METTL16: variants seen among roughly 807,000 people sequenced by gnomAD.
METTL16 encodes the protein methyltransferase 16, RNA N6-adenosine, also known as RNA N(6)-adenosine-methyltransferase METTL16.
METTL16 carries 19 observed loss-of-function variants against 57.9 expected under a neutral mutation model. That is an observed-to-expected ratio of 0.33 (90% CI 0.23 to 0.48). The LOEUF (loss-of-function observed/expected upper bound fraction) is 0.48. Among genes scored for constraint, METTL16 ranks in the 20% least tolerant of loss-of-function variants. The pLI, the probability that METTL16 is intolerant of heterozygous loss-of-function variation, is 0.99. For missense variants in METTL16, 434 were observed against 691.5 expected, an observed-to-expected ratio of 0.63 and a Z score of 4.18; for synonymous variants, 246 against 255.6, an observed-to-expected ratio of 0.96 and a Z score of 0.36.
At chr17:2,474,643 A>C (rs1451326034) in intron 3 of METTL16, among the ~76,000 whole-genome samples, 1 of 152,214 alleles carries the variant, frequency 6.6e-6, no homozygotes, top group Non-Finnish European at 1.5e-5. Flanking sequence ...TTGTTTTTAC[A>C]GGCCGGGCGT....
chr17:2,481,304 A>G (rs978685783), intron 2 of METTL16, among the ~76,000 whole-genome samples: 2 of 152,160 alleles, frequency 1.3e-5, no homozygotes, highest in Non-Finnish European at 2.9e-5. Context: ...CTTGATAATG[A>G]TATCAATTAT....
intron 1 of METTL16, among the ~76,000 whole-genome samples, chr17:2,506,139 C>T (rs548994403): frequency 6.6e-6 from 1 of 152,144 alleles, no homozygotes; most frequent in East Asian, 1.9e-4. Context: ...TCCCTCTCTT[C>T]AGTCGGCAAA....
rs1023727635 is a variant in METTL16 at position 2,417,579 on chromosome 17, G to A, written c.*2391C>T. The A allele has an allele frequency of 6.6e-5, 10 of 152,170 alleles. No homozygotes were observed. The highest frequency in any genetic ancestry group is 2.4e-4 in the African/African-American group (10 of 41,428). The allele number at this position is 152,170 out of a possible 1,614,324, so 9.4% of individuals were successfully genotyped here. A position where few individuals can be genotyped will look rare whatever the true frequency, so the allele number is the denominator to read the frequency against. ...CATTTTGAACAGGCAAGGAGTGTAA[G>A]CTAATACACTACTGTTACAACATGG... is the stretch of plus-strand genomic sequence containing the variant. On this transcript the variant is annotated 3_prime_UTR_variant, in exon 10 of 10. Coordinates refer to ENST00000263092, the MANE Select transcript of METTL16 (RefSeq NM_024086.4).
chr17:2,427,689 C>T (rs1046645064), intron 8 of METTL16, among the ~76,000 whole-genome samples: 2 of 152,006 alleles, frequency 1.3e-5, no homozygotes, highest in African/African-American at 2.4e-5. Context: ...GTGATCCCCC[C>T]GCCTCAGCCT....
intron 6 of METTL16, among the ~76,000 whole-genome samples, chr17:2,458,264 G>T (rs969689328): frequency 1.3e-5 from 2 of 152,178 alleles, no homozygotes; most frequent in Non-Finnish European, 2.9e-5. Flanking sequence ...TCTGGCAGGG[G>T]ACACGCTGGT....
At chr17:2,433,014 C>T (rs2066884797) in intron 8 of METTL16, among the ~76,000 whole-genome samples, 1 of 152,160 alleles carries the variant, frequency 6.6e-6, no homozygotes, top group Admixed American at 6.5e-5. Context: ...GTGTTATCCA[C>T]AGTACCTCAG....
chr17:2,428,936 G>A (rs528318971), intron 8 of METTL16, among the ~76,000 whole-genome samples: 2 of 152,066 alleles, frequency 1.3e-5, no homozygotes, highest in African/African-American at 4.8e-5. Context: ...TCGGCTCACC[G>A]CAACCTCTGC....
In METTL16 at chr17:2,485,429, C is replaced by A. The variant is rs1338725242; in HGVS notation, c.129-7544G>T. ...AATCATCCCGAAATCACCCCTCCCC[C>A]ACCACAGGTCCATGAAAAAATTGTC... is the stretch of plus-strand genomic sequence containing the variant. On this transcript the variant is annotated intron_variant, in intron 2 of 9. Coordinates refer to ENST00000263092, the MANE Select transcript of METTL16 (RefSeq NM_024086.4). 2.0e-5 allele frequency among the ~76,000 whole-genome samples: 3 copies of A among 152,134 alleles called. No homozygotes were observed. In the South Asian group the frequency reaches 6.2e-4, roughly 32 times the overall value.
At chr17:2,470,790 CCT>C (rs1179979266) in intron 4 of METTL16, among the ~76,000 whole-genome samples, 1 of 152,040 alleles carries the variant, frequency 6.6e-6, no homozygotes, top group Non-Finnish European at 1.5e-5. Context: ...ACAGTGAGAC[CCT>C]GTCTCTAAAA....
At chr17:2,497,086 AC>A (rs1191127311) in intron 2 of METTL16, among the ~76,000 whole-genome samples, 1 of 151,042 alleles carries the variant, frequency 6.6e-6, no homozygotes. Context: ...GCTCACTGCA[AC>A]CTCCACCTCC....
rs1481087320 is a variant in METTL16, at chr17:2,428,594, TATA to T, written c.889-7693_889-7691del. Among the ~76,000 whole-genome samples the T allele has an allele frequency of 7.0e-4, 35 of 50,000 alleles. 4 individuals are homozygous for T. The highest frequency in any genetic ancestry group is 1.8e-3 in the South Asian group (2 of 1,126). 32.8% of individuals were successfully genotyped at this position (50,000 alleles called of 152,430 possible). On this transcript the variant is annotated intron_variant, in intron 8 of 9. Transcript: ENST00000263092. ...ATATATATATATATATATATATATA[TATA>T]TATATAAATTGTAATACAGCGGGGC...
At chr17:2,502,398 C>T (rs574917594) in intron 1 of METTL16, 67 bp from the exon 2 acceptor site, 157 of 1,511,116 alleles carry the variant, frequency 1.0e-4, no homozygotes, top group African/African-American at 4.4e-4. Context: ...GGGCCGGGTG[C>T]GGTGCCTCAT....
intron 8 of METTL16, 105 bp downstream of exon 8, chr17:2,438,004 G>T: frequency 2.4e-6 from 2 of 846,610 alleles, no homozygotes; most frequent in Non-Finnish European, 2.0e-6. Context: ...AAGCATTTGG[G>T]ACAAACTTCA....
chr17:2,435,431 G>C (rs899938124), intron 8 of METTL16, among the ~76,000 whole-genome samples: 5 of 152,118 alleles, frequency 3.3e-5, no homozygotes, highest in Non-Finnish European at 4.4e-5. Flanking sequence ...TTCAAAAAAC[G>C]AGGGTGGGGA....
intron 2 of METTL16, among the ~76,000 whole-genome samples, chr17:2,501,705 G>C (rs1180970321): frequency 6.6e-6 from 1 of 151,934 alleles, no homozygotes; most frequent in Non-Finnish European, 1.5e-5. Flanking sequence ...TAAAAATACA[G>C]ACGTTGGCTG....
intron 6 of METTL16, among the ~76,000 whole-genome samples, chr17:2,457,059 C>A (rs745351297): frequency 1.3e-5 from 2 of 151,354 alleles, no homozygotes; most frequent in East Asian, 3.9e-4. Flanking sequence ...GTCAGCTGGG[C>A]GTGGTGGCTC....
intron 8 of METTL16, among the ~76,000 whole-genome samples, chr17:2,434,718 C>T (rs1419918644): frequency 1.3e-5 from 2 of 152,186 alleles, no homozygotes; most frequent in African/African-American, 4.8e-5. Context: ...TGTCAGGATA[C>T]CCAGCTCCAA....
intron 2 of METTL16, among the ~76,000 whole-genome samples, chr17:2,498,475 C>T (rs1037253088): frequency 6.6e-6 from 1 of 151,512 alleles, no homozygotes; most frequent in African/African-American, 2.4e-5. Flanking sequence ...CGGTGGCTCA[C>T]GCCTGTAATC....
intron 2 of METTL16, among the ~76,000 whole-genome samples, chr17:2,481,998 C>T (rs1010118131): frequency 6.6e-6 from 1 of 152,126 alleles, no homozygotes; most frequent in Admixed American, 6.5e-5. Context: ...AGAACAGTGA[C>T]TACAAAGCCC....
Sources: allele counts gnomAD v4.1 joint callset (sites outside exome capture counted in the v4.1 genomes callset), GRCh38; gene constraint gnomAD v4.1.1; transcripts MANE v1.5; gene names NCBI Gene and HGNC (gene_info 2026-07-23, HGNC 2026-07-21).